SCFD2: variants seen among roughly 807,000 people sequenced by gnomAD.
SCFD2 encodes the protein sec1 family domain containing 2.
SCFD2 carries 54 observed loss-of-function variants against 58.9 expected under a neutral mutation model. The ratio of observed to expected loss-of-function variants is 0.92; its 90% CI spans 0.74 to 1.15. The LOEUF (loss-of-function observed/expected upper bound fraction) is 1.15, where lower values mean the gene tolerates loss of function less well. SCFD2 is among the 50% of genes most tolerant of loss of function. The pLI is 0.00. For synonymous variants in SCFD2, 321 were observed against 335.9 expected (o/e 0.96, Z 0.49); for missense variants, 805 against 836.6 (o/e 0.96, Z 0.47).
At chr4:53,099,351 C>T (rs563513849) in intron 5 of SCFD2, among the ~76,000 whole-genome samples, 2 of 152,332 alleles carry the variant, frequency 1.3e-5, no homozygotes, top group East Asian at 1.9e-4. Flanking sequence ...TTGTAACCAT[C>T]AAACCCATAA....
chr4:53,294,159 A>C (rs1438975099), intron 3 of SCFD2, among the ~76,000 whole-genome samples: 1 of 152,214 alleles, frequency 6.6e-6, no homozygotes, highest in Non-Finnish European at 1.5e-5. Flanking sequence ...GTATATACCC[A>C]GTAACGGGAT....
At chr4:53,053,196 G>A (rs1406989958) in intron 5 of SCFD2, among the ~76,000 whole-genome samples, 2 of 149,488 alleles carry the variant, frequency 1.3e-5, no homozygotes, top group East Asian at 3.9e-4. Context: ...CTGCACTCCA[G>A]CCTGAGCAAC....
chr4:53,352,180 A>G (rs1373369862), intron 2 of SCFD2, among the ~76,000 whole-genome samples: 2 of 152,240 alleles, frequency 1.3e-5, no homozygotes, highest in African/African-American at 2.4e-5. Flanking sequence ...GTTGATATCC[A>G]CAGGTATATC....
At chr4:52,991,078 AG>A (rs1470091238) in intron 5 of SCFD2, among the ~76,000 whole-genome samples, 1 of 152,128 alleles carries the variant, frequency 6.6e-6, no homozygotes, top group Non-Finnish European at 1.5e-5. Flanking sequence ...GAGGTACTAG[AG>A]GGTATTCTGC....
chr4:53,112,383 T>C (rs1282333231), intron 5 of SCFD2, among the ~76,000 whole-genome samples: 1 of 152,114 alleles, frequency 6.6e-6, no homozygotes, highest in African/African-American at 2.4e-5. Context: ...TTTGAACTTC[T>C]GACTTTAACA....
At chr4:52,965,531 CACAGCA>C (rs1720944194) in intron 5 of SCFD2, among the ~76,000 whole-genome samples, 1 of 152,188 alleles carries the variant, frequency 6.6e-6, no homozygotes, top group Non-Finnish European at 1.5e-5. Flanking sequence ...GCCCAATTTC[CACAGCA>C]CTGTGCAGTA....
rs141653828 is a variant in SCFD2 at position 53,172,601 on chromosome 4, T to C, written c.1312-27019A>G. 2.6e-5 allele frequency among the ~76,000 whole-genome samples: 4 copies of C among 152,290 alleles called. No individual in the cohort carries two copies. In the East Asian group the frequency reaches 5.8e-4, roughly 22 times the overall value. On this transcript the variant is annotated intron_variant, in intron 4 of 8. Coordinates refer to ENST00000401642, the MANE Select transcript of SCFD2 (RefSeq NM_152540.4). Reference sequence around the variant, plus strand: ...TTGTTTTGATTTCTTCTTTGACCCATTGGTTGGTCAGGAGCATGTTGTTTA... The same window carrying C: ...TTGTTTTGATTTCTTCTTTGACCCACTGGTTGGTCAGGAGCATGTTGTTTA...
Position 53,224,214 on chromosome 4 carries a change from C to A in SCFD2, c.1311+49612G>T, listed in dbSNP as rs190323370. Among the ~76,000 whole-genome samples, 111 of 152,118 alleles carry A rather than the reference C, an allele frequency of 7.3e-4. No individual in the cohort carries two copies. In the Middle Eastern group the frequency reaches 0.014, roughly 19 times the overall value. On this transcript the variant is annotated intron_variant, in intron 4 of 8. Transcript: ENST00000401642. ...GACCAGCCTAACCAACATGGTAAAACCCCATGTCTACTAAAAATACAAAAA... is the reference window on the plus strand; with the variant it reads ...GACCAGCCTAACCAACATGGTAAAAACCCATGTCTACTAAAAATACAAAAA...
intron 4 of SCFD2, among the ~76,000 whole-genome samples, chr4:53,212,253 A>C (rs981597930): frequency 3.9e-5 from 6 of 152,022 alleles, no homozygotes; most frequent in African/African-American, 1.5e-4. Context: ...AAAGTTAACC[A>C]TACATTATAG....
intron 5 of SCFD2, among the ~76,000 whole-genome samples, chr4:53,130,981 CA>C (rs1048306248): frequency 3.3e-5 from 5 of 152,070 alleles, no homozygotes; most frequent in African/African-American, 1.2e-4. Flanking sequence ...TATCTACACG[CA>C]AATATAAAAG....
chr4:53,278,677 C>A (rs761553986), intron 3 of SCFD2, among the ~76,000 whole-genome samples: 3 of 152,016 alleles, frequency 2.0e-5, no homozygotes, highest in Non-Finnish European at 4.4e-5. Context: ...CAGAAAATAT[C>A]AACACCACAC....
At chr4:52,972,706 G>A (rs1721138222) in intron 5 of SCFD2, among the ~76,000 whole-genome samples, 1 of 152,132 alleles carries the variant, frequency 6.6e-6, no homozygotes, top group South Asian at 2.1e-4. Flanking sequence ...CAAATCAACA[G>A]AATATACATT....
intron 5 of SCFD2, among the ~76,000 whole-genome samples, chr4:53,035,225 A>T (rs1722724946): frequency 6.6e-6 from 1 of 152,218 alleles, no homozygotes; most frequent in Non-Finnish European, 1.5e-5. Flanking sequence ...CAATGGCAAA[A>T]AGATTCCCTA....
chr4:53,201,769 T>C (rs1728247766), intron 4 of SCFD2, among the ~76,000 whole-genome samples: 1 of 152,238 alleles, frequency 6.6e-6, no homozygotes, highest in African/African-American at 2.4e-5. Context: ...ATTTCTCTGA[T>C]GGCCAGTGAT....
At chr4:53,268,962 G>C (rs933529727) in intron 4 of SCFD2, among the ~76,000 whole-genome samples, 1 of 152,116 alleles carries the variant, frequency 6.6e-6, no homozygotes, top group African/African-American at 2.4e-5. Context: ...CTCACTGTCA[G>C]AGAAGGGGGG....
At chr4:53,345,733 G>A (rs1412333410) in intron 2 of SCFD2, among the ~76,000 whole-genome samples, 1 of 152,182 alleles carries the variant, frequency 6.6e-6, no homozygotes, top group Non-Finnish European at 1.5e-5. Flanking sequence ...TTAAGAAAAT[G>A]TGGCACATAT....
chr4:53,274,988 T>C (rs1306161799), intron 3 of SCFD2, among the ~76,000 whole-genome samples: 2 of 152,244 alleles, frequency 1.3e-5, no homozygotes, highest in Non-Finnish European at 2.9e-5. Context: ...TGTTATAAAC[T>C]GAAATCCAAG....
intron 4 of SCFD2, among the ~76,000 whole-genome samples, chr4:53,273,329 A>G (rs1731230524): frequency 6.6e-6 from 1 of 152,172 alleles, no homozygotes; most frequent in African/African-American, 2.4e-5. Flanking sequence ...TCAGTCATGA[A>G]AAGTTCCTAT....
chr4:53,005,261 T>C (rs762276882), intron 5 of SCFD2, among the ~76,000 whole-genome samples: 5 of 152,136 alleles, frequency 3.3e-5, no homozygotes, highest in African/African-American at 9.7e-5. Context: ...ACCAAGGTAA[T>C]AGATGTTGGA....
Sources: allele counts gnomAD v4.1 joint callset (sites outside exome capture counted in the v4.1 genomes callset), GRCh38; gene constraint gnomAD v4.1.1; transcripts MANE v1.5; gene names NCBI Gene and HGNC (gene_info 2026-07-23, HGNC 2026-07-21).